The following FMNL3 variants were observed in gnomAD, a reference collection of about 807,000 sequenced individuals.
FMNL3 encodes the protein formin like 3.
Under a neutral mutation model 119.6 loss-of-function variants are expected in FMNL3, and 57 were observed. The observed-to-expected ratio is 0.48, with a 90% CI of 0.39 to 0.59. The LOEUF (loss-of-function observed/expected upper bound fraction) is 0.59, where lower values mean the gene tolerates loss of function less well. FMNL3 is among the 20% of genes least tolerant of loss of function. The pLI is 0.00. For synonymous variants in FMNL3, 491 were observed against 507.3 expected, an observed-to-expected ratio of 0.97 and a Z score of 0.43; for missense variants, 1,053 against 1,323.5, an observed-to-expected ratio of 0.80 and a Z score of 3.17.
Position 49,645,658 on chromosome 12 carries a change from C to T in FMNL3, c.*157G>A. The T allele has an allele frequency of 1.6e-6, 1 of 611,482 alleles. No homozygotes were observed. Among genetic ancestry groups the T allele is most frequent in the Admixed American group, 3.4e-5 (1 of 29,698 alleles). The allele number at this position is 611,482 out of a possible 1,614,324, so 37.9% of individuals were successfully genotyped here. On this transcript the variant is annotated 3_prime_UTR_variant, in exon 26 of 26. Transcript: ENST00000335154. ...ACCAGGGACCTACAGACCTAGTGCC[C>T]ATAGTGGCACAAGTAGAAAGATCCA...
intron 1 of FMNL3, among the ~76,000 whole-genome samples, chr12:49,700,491 G>A (rs894564141): frequency 7.9e-5 from 12 of 151,484 alleles, no homozygotes; most frequent in African/African-American, 2.7e-4. Context: ...GAGGCAGGTG[G>A]GTCGCGTGAG....
intron 1 of FMNL3, among the ~76,000 whole-genome samples, chr12:49,678,305 G>A (rs747201593): frequency 5.2e-4 from 77 of 149,412 alleles, no homozygotes; most frequent in Admixed American, 3.0e-3. Flanking sequence ...CTACAGGCGC[G>A]CACCACCATG....
At chr12:49,675,004 T>A (rs1264654485) in intron 1 of FMNL3, among the ~76,000 whole-genome samples, 1 of 152,202 alleles carries the variant, frequency 6.6e-6, no homozygotes, top group Admixed American at 6.5e-5. Flanking sequence ...GGCCTCTTCT[T>A]CATCCTAGAG....
Position 49,668,548 on chromosome 12 carries a change from T to C in FMNL3, c.133A>G (p.Met45Val). The change falls in exon 2 of 26, where the codon ATG (methionine) becomes GTG (valine). Residue 45 changes from methionine to valine, a missense_variant. By Grantham distance (21) the Met-to-Val change is conservative (BLOSUM62 1). Around this residue, in one of 4 missense-constraint regions of FMNL3, gnomAD observed 264 missense variants for 265.5 expected, o/e 0.99. Coordinates refer to ENST00000335154, the MANE Select transcript of FMNL3 (RefSeq NM_175736.5). ...EERFALVLSSMNLPPDKARLL... is the reference protein window; with the variant it reads ...EERFALVLSSVNLPPDKARLL... ...CGGGCCTTGTCTGGAGGCAGGTTCA[T>C]GGAGCTCTGAGGAGAGAACCTGAGT... 1.2e-6 allele frequency: 2 copies of C among 1,614,094 alleles called. No homozygotes were observed. Among genetic ancestry groups the C allele is most frequent in the Admixed American group, 1.7e-5 (1 of 60,024 alleles).
rs1468051996 is a variant in FMNL3 at position 49,647,046 on chromosome 12, C to G, written c.2872-37G>C. On this transcript the variant is annotated intron_variant, in intron 24 of 25. Coordinates refer to ENST00000335154, the MANE Select transcript of FMNL3 (RefSeq NM_175736.5). This position sits in a 1 kb window ranked among gnomAD's most constrained non-coding sequence, Gnocchi z 4.9. ...AATGTGGAGGGGAAGGAAGTCATCA[C>G]TAACCTAATGTGGGACTGGTTCCTG... 1 of 1,613,274 alleles carries G rather than the reference C, an allele frequency of 6.2e-7. No homozygotes were observed. Among genetic ancestry groups the G allele is most frequent in the Non-Finnish European group, 8.5e-7 (1 of 1,179,596 alleles).
In FMNL3 at chr12:49,637,692, A is replaced by T; in HGVS notation, c.*8123T>A. 1.8e-6 allele frequency: 2 copies of T among 1,105,122 alleles called. No homozygotes were observed. Among genetic ancestry groups the T allele is most frequent in the Non-Finnish European group, 2.6e-6 (2 of 769,142 alleles). The allele number at this position is 1,105,122 out of a possible 1,614,324, so 68.5% of individuals were successfully genotyped here. A position where few individuals can be genotyped will look rare whatever the true frequency, so the allele number is the denominator to read the frequency against. On this transcript the variant is annotated 3_prime_UTR_variant, in exon 26 of 26. Transcript: ENST00000335154. ...CTCGGCCCAGCCCCCAGGCCTTGGGAAGCTGCCGCCCGCCAGGCCCCCCTC... is the reference window on the plus strand; with the variant it reads ...CTCGGCCCAGCCCCCAGGCCTTGGGTAGCTGCCGCCCGCCAGGCCCCCCTC...
chr12:49,676,409 G>A (rs1944187006), intron 1 of FMNL3, among the ~76,000 whole-genome samples: 1 of 151,620 alleles, frequency 6.6e-6, no homozygotes, highest in African/African-American at 2.4e-5. Context: ...AACTATTTTA[G>A]ACCATGAAGT....
chr12:49,703,925 G>A (rs987527152), intron 1 of FMNL3, among the ~76,000 whole-genome samples: 3 of 152,182 alleles, frequency 2.0e-5, no homozygotes, highest in Non-Finnish European at 2.9e-5. Flanking sequence ...GCCATATTCC[G>A]AGACTGGATA....
rs572836396 is a variant in FMNL3, at chr12:49,649,060, A to G, written c.2484T>C (p.His828=). ...CAGCCTTCTCAACAAAGTGCAGCTCATGCCAGAAGTTAGCCAGGTCTGGGT... is the reference window on the plus strand; with the variant it reads ...CAGCCTTCTCAACAAAGTGCAGCTCGTGCCAGAAGTTAGCCAGGTCTGGGT... ...EKYPDLANFW[H]ELHFVEKAAA... Residue 828 remains histidine, a synonymous_variant, in exon 21 of 26, where the codon CAT becomes CAC. Transcript: ENST00000335154. This position sits in a 1 kb window ranked among gnomAD's most constrained non-coding sequence, Gnocchi z 5.6. The G allele has an allele frequency of 1.2e-6, 2 of 1,610,124 alleles. No homozygotes were observed. The highest frequency in any genetic ancestry group is 1.1e-5 in the South Asian group (1 of 90,230).
Position 49,647,438 on chromosome 12 carries a change from G to A in FMNL3, c.2779-70C>T. ...CTGTGAGGGGAGGGGCTGACACTGA[G>A]GTGGAGAGTGGGTGGCAGTGGGACC... On this transcript the variant is annotated intron_variant, in intron 23 of 25. Transcript: ENST00000335154. This position sits in a 1 kb window ranked among gnomAD's most constrained non-coding sequence, Gnocchi z 4.9. 1.3e-6 allele frequency: 2 copies of A among 1,521,208 alleles called. No individual in the cohort carries two copies. Among genetic ancestry groups the A allele is most frequent in the Non-Finnish European group, 1.8e-6 (2 of 1,106,032 alleles). The allele number at this position is 1,521,208 out of a possible 1,614,324, so 94.2% of individuals were successfully genotyped here.
chr12:49,680,061 C>T (rs1056631639), intron 1 of FMNL3, among the ~76,000 whole-genome samples: 1 of 152,186 alleles, frequency 6.6e-6, no homozygotes, highest in Admixed American at 6.5e-5. Flanking sequence ...TCCTTGAGGA[C>T]TTTGCCTTGA....
At position 49,649,947 on chromosome 12, in the gene FMNL3, C is replaced by A. The variant is rs1354870306; in HGVS notation, c.2001-22G>T. On this transcript the variant is annotated intron_variant, in intron 17 of 25. Transcript: ENST00000335154. The surrounding 1 kb of genome is among the most constrained non-coding windows in gnomAD (Gnocchi z 5.6). ...AAACCTGTGGAGGAGGGAGGGACCA[C>A]CTCAGTTCTCACATCTCTCCACGTT... The A allele has an allele frequency of 1.9e-6, 3 of 1,595,136 alleles. No homozygotes were observed. Among genetic ancestry groups the A allele is most frequent in the Non-Finnish European group, 2.6e-6 (3 of 1,166,642 alleles).
intron 6 of FMNL3, 68 bp downstream of exon 6, chr12:49,658,374 T>A: frequency 6.6e-7 from 1 of 1,513,494 alleles, no homozygotes; most frequent in Non-Finnish European, 8.8e-7. Context: ...GAGCACTCAC[T>A]GCTGAACCCG....
Position 49,643,209 on chromosome 12 carries a change from G to A in FMNL3, c.*2606C>T. The A allele has an allele frequency of 6.2e-7, 1 of 1,613,802 alleles. No homozygotes were observed. Among genetic ancestry groups the A allele is most frequent in the Non-Finnish European group, 8.5e-7 (1 of 1,179,930 alleles). ...AGAACCTCTGCACTGACATGTATCT[G>A]CTGATCTGCCCAGGGCTCTGAGTCA... On this transcript the variant is annotated 3_prime_UTR_variant, in exon 26 of 26. Coordinates refer to ENST00000335154, the MANE Select transcript of FMNL3 (RefSeq NM_175736.5).
intron 1 of FMNL3, among the ~76,000 whole-genome samples, chr12:49,669,687 A>T (rs1302962884): frequency 1.3e-5 from 2 of 152,034 alleles, no homozygotes; most frequent in African/African-American, 4.8e-5. Flanking sequence ...CAAAAATTAG[A>T]TGGGTGCAGT....
chr12:49,647,302 G>C lies in FMNL3; in HGVS notation c.2845C>G (p.Gln949Glu). 1 of 1,613,936 alleles carries C rather than the reference G, an allele frequency of 6.2e-7. No homozygotes were observed. Among genetic ancestry groups the C allele is most frequent in the Admixed American group, 1.7e-5 (1 of 60,018 alleles). Residue 949 changes from glutamine (Q) to glutamate (E), a missense_variant, in exon 24 of 26, where the codon CAG becomes GAG. By Grantham distance (29) the Gln-to-Glu change is conservative. Transcript: ENST00000335154. This position sits in a 1 kb window ranked among gnomAD's most constrained non-coding sequence, Gnocchi z 4.9. The stretch of plus-strand genomic sequence containing the variant: ...TTGGCATCCAGTTTCTTGGCTTCCT[G>C]AGCCAGCTGCTTCTCCCGCATTACC... ...EEVMREKQLA[Q>E]EAKKLDAKTP...
At chr12:49,662,158 G>T in intron 4 of FMNL3, 109 bp from the exon 5 acceptor site, 1 of 1,003,982 alleles carries the variant, frequency 1.0e-6, no homozygotes, top group Non-Finnish European at 1.5e-6. Context: ...CCCAGCACCA[G>T]GCTAAGAAAA....
chr12:49,649,282 A>G lies in FMNL3; in HGVS notation c.2362T>C (p.Phe788Leu), dbSNP rs1420045996. ...NSSKRGAVYG[F>L]KLQSLDLLLD... ...ACCAGATCCAGGCTCTGGAGCTTGA[A>G]GCCATACACAGCTCCCCGCTTGCTG... Residue 788 changes from phenylalanine (F) to leucine (L), a missense_variant, in exon 20 of 26, where the codon TTC (phenylalanine) becomes CTC (leucine). Phe to Leu is a conservative substitution (Grantham distance 22). Transcript: ENST00000335154. This position sits in a 1 kb window ranked among gnomAD's most constrained non-coding sequence, Gnocchi z 5.6. 6.2e-7 allele frequency: 1 copy of G among 1,614,174 alleles called. No individual in the cohort carries two copies. The highest frequency in any genetic ancestry group is 8.5e-7 in the Non-Finnish European group (1 of 1,180,044).
chr12:49,681,358 C>A (rs777562454), intron 1 of FMNL3, among the ~76,000 whole-genome samples: 2 of 152,194 alleles, frequency 1.3e-5, no homozygotes, highest in Non-Finnish European at 2.9e-5. Context: ...CCTGCCACCA[C>A]TCCCAGCTAA....
Sources: allele counts gnomAD v4.1 joint callset (sites outside exome capture counted in the v4.1 genomes callset), GRCh38; gene constraint gnomAD v4.1.1; regional missense constraint gnomAD v4.1.1; non-coding constraint Gnocchi (gnomAD v3.1); transcripts MANE v1.5; gene names NCBI Gene and HGNC (gene_info 2026-07-23, HGNC 2026-07-21).